SEMA6D: variants seen among roughly 807,000 people sequenced by gnomAD.
The protein encoded by SEMA6D is semaphorin 6D.
Under a neutral mutation model 106.6 loss-of-function variants are expected in SEMA6D, and 35 were observed. The observed-to-expected ratio is 0.33, with a 90% CI of 0.25 to 0.44. The LOEUF (loss-of-function observed/expected upper bound fraction) is 0.44. SEMA6D is among the 20% of genes least tolerant of loss of function. The pLI is 1.00. For missense variants in SEMA6D, 1,185 were observed against 1,345.9 expected (o/e 0.88, Z 1.87); for synonymous variants, 499 against 487.7 (o/e 1.02, Z -0.31).
At chr15:47,719,599 G>T (rs766655191) in intron 1 of SEMA6D, among the ~76,000 whole-genome samples, 5 of 152,080 alleles carry the variant, frequency 3.3e-5, no homozygotes, top group Non-Finnish European at 7.4e-5. Context: ...CCTGGGAAAG[G>T]TCTAACATTT....
rs200837827 is a variant in SEMA6D at position 47,771,400 on chromosome 15, A to C, written c.2837A>C (p.Asp946Ala). ...AGAAATAGCCCAACCAAGCGAGTGG[A>C]TGTCCCCACCACTCCTGGAGTCCCA... The part of the protein sequence containing the change: ...LPRNSPTKRV[D>A]VPTTPGVPMT... Residue 946 changes from aspartate to alanine, a missense_variant, in exon 19 of 19, where the codon GAT becomes GCT. Around this residue, in one of 3 missense-constraint regions of SEMA6D, gnomAD observed 750 missense variants for 783.5 expected, o/e 0.96. Transcript: ENST00000536845. The C allele has an allele frequency of 2.3e-5, 37 of 1,614,060 alleles. No homozygotes were observed. The East Asian group carries it at 7.8e-4, about 34-fold the overall frequency.
chr15:47,254,872 G>GTTTTTTTT (rs1239809002), intron 1 of SEMA6D, among the ~76,000 whole-genome samples: 1 of 44,024 alleles, frequency 2.3e-5, no homozygotes, highest in African/African-American at 8.2e-5. Flanking sequence ...TTGACCTGTG[G>GTTTTTTTT]TTTTGTGTGT....
At chr15:47,251,628 TA>T (rs1343780656) in intron 1 of SEMA6D, among the ~76,000 whole-genome samples, 2 of 152,164 alleles carry the variant, frequency 1.3e-5, no homozygotes, top group African/African-American at 2.4e-5. Flanking sequence ...ATCTTTTGAA[TA>T]ACACATTATA....
At chr15:47,751,861 A>T (rs2081456382) in intron 1 of SEMA6D, among the ~76,000 whole-genome samples, 1 of 152,172 alleles carries the variant, frequency 6.6e-6, no homozygotes, top group African/African-American at 2.4e-5. Context: ...GAAAAAAAAA[A>T]TCTTCCCTAT....
intron 3 of SEMA6D, among the ~76,000 whole-genome samples, chr15:47,548,067 AG>A (rs1225277361): frequency 6.6e-6 from 1 of 152,144 alleles, no homozygotes; most frequent in Non-Finnish European, 1.5e-5. Context: ...AAGCTCTTTG[AG>A]AAAAATGAGG....
intron 3 of SEMA6D, among the ~76,000 whole-genome samples, chr15:47,566,671 C>T (rs570490188): frequency 3.3e-5 from 5 of 152,314 alleles, no homozygotes; most frequent in African/African-American, 1.2e-4. Context: ...TTACAGATTG[C>T]ATGACTGTGA....
intron 1 of SEMA6D, among the ~76,000 whole-genome samples, chr15:47,392,856 A>G (rs2040084941): frequency 6.6e-6 from 1 of 152,232 alleles, no homozygotes; most frequent in Admixed American, 6.5e-5. Context: ...CAATGAAAAC[A>G]AGGGATATCC....
chr15:47,262,505 G>A (rs185863786), intron 1 of SEMA6D, among the ~76,000 whole-genome samples: 1 of 152,082 alleles, frequency 6.6e-6, no homozygotes, highest in Non-Finnish European at 1.5e-5. Context: ...AAAACCATCA[G>A]ATCACATGAG....
intron 1 of SEMA6D, among the ~76,000 whole-genome samples, chr15:47,751,101 A>G (rs2081406621): frequency 6.6e-6 from 1 of 152,094 alleles, no homozygotes; most frequent in African/African-American, 2.4e-5. Flanking sequence ...ATGGAAGGTG[A>G]AAGAAGGCCT....
intron 3 of SEMA6D, among the ~76,000 whole-genome samples, chr15:47,506,583 C>T (rs982497041): frequency 7.0e-6 from 1 of 142,406 alleles, no homozygotes; most frequent in Non-Finnish European, 1.5e-5. Context: ...ACTACATGGG[C>T]ATTTACACAC....
intron 4 of SEMA6D, among the ~76,000 whole-genome samples, chr15:47,607,980 T>C (rs76594840): frequency 0.044 from 6,750 of 152,336 alleles, 222 homozygotes; most frequent in Non-Finnish European, 0.07. Flanking sequence ...CTTTTTGCAC[T>C]GTCTGTTATA....
At chr15:47,502,109 A>G (rs2043868753) in intron 3 of SEMA6D, among the ~76,000 whole-genome samples, 1 of 152,188 alleles carries the variant, frequency 6.6e-6, no homozygotes, top group Non-Finnish European at 1.5e-5. Context: ...GTATTTATCC[A>G]GAGACAGATG....
intron 2 of SEMA6D, among the ~76,000 whole-genome samples, chr15:47,439,151 T>C (rs1423712258): frequency 6.6e-6 from 1 of 152,162 alleles, no homozygotes; most frequent in East Asian, 1.9e-4. Flanking sequence ...TCTTCACATA[T>C]TATAATTAGA....
At chr15:47,537,415 C>T (rs2045204460) in intron 3 of SEMA6D, among the ~76,000 whole-genome samples, 2 of 152,168 alleles carry the variant, frequency 1.3e-5, no homozygotes, top group South Asian at 4.1e-4. Context: ...AAGTGGGAAG[C>T]AGTGCCTCCC....
chr15:47,755,084 T>C (rs1389417354), intron 1 of SEMA6D, among the ~76,000 whole-genome samples: 2 of 151,914 alleles, frequency 1.3e-5, no homozygotes, highest in East Asian at 3.9e-4. Flanking sequence ...CCTGAGTAGC[T>C]GGGATTAGAG....
intron 1 of SEMA6D, among the ~76,000 whole-genome samples, chr15:47,232,874 A>T (rs1184037781): frequency 6.6e-6 from 1 of 151,896 alleles, no homozygotes; most frequent in African/African-American, 2.4e-5. Context: ...TTCTTCCCTT[A>T]TGTGGGTTGT....
chr15:47,199,442 AGT>A (rs1403764653), intron 1 of SEMA6D, among the ~76,000 whole-genome samples: 3 of 152,162 alleles, frequency 2.0e-5, no homozygotes, highest in Admixed American at 6.6e-5. Flanking sequence ...CTCTAGGAAG[AGT>A]GTGTGTCTCC....
At chr15:47,340,257 TGAG>T (rs2037758347) in intron 1 of SEMA6D, among the ~76,000 whole-genome samples, 1 of 151,862 alleles carries the variant, frequency 6.6e-6, no homozygotes, top group Non-Finnish European at 1.5e-5. Context: ...GTCTGGAAAT[TGAG>T]GAGAATGGAG....
intron 1 of SEMA6D, among the ~76,000 whole-genome samples, chr15:47,375,094 C>T (rs1257320687): frequency 6.6e-6 from 1 of 152,154 alleles, no homozygotes; most frequent in Non-Finnish European, 1.5e-5. Flanking sequence ...CTCCTTGTGA[C>T]ATGTCTGAAA....
Sources: allele counts gnomAD v4.1 joint callset (sites outside exome capture counted in the v4.1 genomes callset), GRCh38; gene constraint gnomAD v4.1.1; regional missense constraint gnomAD v4.1.1; transcripts MANE v1.5; gene names NCBI Gene and HGNC (gene_info 2026-07-23, HGNC 2026-07-21).